The following RAD50 variants were observed in gnomAD, a reference collection of about 807,000 sequenced individuals.
RAD50 encodes RAD50 double strand break repair protein.
RAD50 carries 132 observed loss-of-function variants against 168.8 expected under a neutral mutation model. The ratio of observed to expected loss-of-function variants is 0.78; its 90% CI spans 0.68 to 0.90. The LOEUF (loss-of-function observed/expected upper bound fraction) is 0.90, where lower values mean the gene tolerates loss of function less well. Ranked by LOEUF, RAD50 falls within the 40% of genes least tolerant of loss-of-function variation. The probability of loss-of-function intolerance (pLI) is 0.00; values close to 1 mark genes in which losing one functional copy is unlikely to be tolerated. For missense variants in RAD50, 1,347 were observed against 1,534.4 expected, an observed-to-expected ratio of 0.88 and a Z score of 2.04; for synonymous variants, 525 against 497.4, an observed-to-expected ratio of 1.06 and a Z score of -0.74.
intron 21 of RAD50, among the ~76,000 whole-genome samples, chr5:132,636,460 G>A (rs559382370): frequency 0.035 from 5,272 of 152,210 alleles, 293 homozygotes; most frequent in African/African-American, 0.12. Context: ...AATCTGTGAA[G>A]GAAAGGTAAA....
At chr5:132,633,568 C>CTTGTGTT (rs1561657260) in intron 21 of RAD50, among the ~76,000 whole-genome samples, 2 of 151,098 alleles carry the variant, frequency 1.3e-5, no homozygotes, top group East Asian at 3.9e-4. Context: ...TTTACCTTAG[C>CTTGTGTT]TTTTGTTTTT....
At chr5:132,592,821 C>T in intron 11 of RAD50, 2 of 470,960 alleles carry the variant, frequency 4.2e-6, no homozygotes, top group South Asian at 3.1e-5. Flanking sequence ...TGAAGAAATG[C>T]TTTAGGAACT....
intron 20 of RAD50, among the ~76,000 whole-genome samples, chr5:132,617,311 A>G (rs1005364359): frequency 6.6e-6 from 1 of 152,224 alleles, no homozygotes; most frequent in Non-Finnish European, 1.5e-5. Context: ...CATTCACATT[A>G]CTAAGTACAA....
intron 21 of RAD50, among the ~76,000 whole-genome samples, chr5:132,627,226 A>T (rs764791073): frequency 4.6e-5 from 7 of 152,102 alleles, no homozygotes; most frequent in Non-Finnish European, 8.8e-5. Context: ...TGTTACTTAT[A>T]CTTCCTGGTT....
intron 15 of RAD50, 142 bp downstream of exon 15, chr5:132,604,188 A>G (rs925736679): frequency 2.0e-6 from 2 of 995,200 alleles, no homozygotes; most frequent in Non-Finnish European, 1.5e-6. Flanking sequence ...TCTGAAAAGC[A>G]TCACTTCTCT....
intron 16 of RAD50, among the ~76,000 whole-genome samples, chr5:132,606,920 C>A (rs778908102): frequency 2.0e-5 from 3 of 152,132 alleles, no homozygotes; most frequent in Admixed American, 6.5e-5. Context: ...AATTCAACAC[C>A]GCTTCATGCT....
rs753680691 is a variant in RAD50, at chr5:132,591,326, C to T, written c.1555C>T (p.Arg519Cys). The change falls in exon 10 of 25, where the codon CGT becomes TGT. Residue 519 changes from arginine to cysteine, a missense_variant. By Grantham distance (180) the Arg-to-Cys change is radical (BLOSUM62 -3). Coordinates refer to ENST00000378823, the MANE Select transcript of RAD50 (RefSeq NM_005732.4). Reference protein sequence around the residue: ...NEKADLDRTLRKLDQEMEQLN... With the variant: ...NEKADLDRTLCKLDQEMEQLN... ...AAAAGCAGACTTAGACAGGACCCTG[C>T]GTAAACTTGACCAGGAGATGGAGCA... 1.9e-6 allele frequency: 3 copies of T among 1,613,748 alleles called. No homozygotes were observed. Among genetic ancestry groups the T allele is most frequent in the East Asian group, 4.5e-5 (2 of 44,846 alleles).
At chr5:132,619,107 G>A (rs889347305) in intron 21 of RAD50, among the ~76,000 whole-genome samples, 2 of 152,268 alleles carry the variant, frequency 1.3e-5, no homozygotes, top group South Asian at 4.1e-4. Context: ...TCTACTATGG[G>A]AATAGACCAC....
chr5:132,613,165 G>A (rs2149851719), intron 19 of RAD50, among the ~76,000 whole-genome samples: 1 of 152,070 alleles, frequency 6.6e-6, no homozygotes, highest in South Asian at 2.1e-4. Flanking sequence ...GGATGATTGG[G>A]GTTAATATTT....
chr5:132,602,319 T>C (rs1750903281), intron 13 of RAD50, among the ~76,000 whole-genome samples: 1 of 152,160 alleles, frequency 6.6e-6, no homozygotes, highest in South Asian at 2.1e-4. Flanking sequence ...TGCTTTGTCA[T>C]ACTAATTCAA....
intron 13 of RAD50, among the ~76,000 whole-genome samples, chr5:132,599,655 TCAAGCAATCCTC>T (rs1750852087): frequency 6.6e-6 from 1 of 151,904 alleles, no homozygotes; most frequent in African/African-American, 2.4e-5. Flanking sequence ...ACTCCTAAGC[TCAAGCAATCCTC>T]CTACCTCAGC....
At chr5:132,641,255 C>G (rs1751714309) in intron 24 of RAD50, among the ~76,000 whole-genome samples, 1 of 152,174 alleles carries the variant, frequency 6.6e-6, no homozygotes, top group Non-Finnish European at 1.5e-5. Flanking sequence ...ACTCAAAAAG[C>G]TTATTTGAGA....
chr5:132,637,541 T>C (rs1447005406), intron 22 of RAD50, among the ~76,000 whole-genome samples: 12 of 142,856 alleles, frequency 8.4e-5, no homozygotes, highest in African/African-American at 2.7e-4. Flanking sequence ...TTTTTTTTTT[T>C]CCAGATGGAG....
At chr5:132,635,255 C>T (rs1402227815) in intron 21 of RAD50, among the ~76,000 whole-genome samples, 1 of 152,142 alleles carries the variant, frequency 6.6e-6, no homozygotes, top group African/African-American at 2.4e-5. Context: ...CCAGTATTGT[C>T]GTAAGGATTA....
In RAD50 at chr5:132,617,638, T is replaced by C. The variant is rs553879379; in HGVS notation, c.3165-432T>C. Among the ~76,000 whole-genome samples the C allele has an allele frequency of 7.2e-5, 11 of 152,334 alleles. No individual in the cohort carries two copies. In the East Asian group the frequency reaches 2.1e-3, roughly 29 times the overall value. On this transcript the variant is annotated intron_variant, in intron 20 of 24. Transcript: ENST00000378823. ...AGTATTACTGCAGAAAATTAATATA[T>C]GATTTAATTCGTATTGTGCCTTTGA...
chr5:132,576,609 A>G (rs1349357285), intron 3 of RAD50, among the ~76,000 whole-genome samples: 10 of 152,132 alleles, frequency 6.6e-5, no homozygotes, highest in Non-Finnish European at 8.8e-5. Flanking sequence ...GGTTTTCATC[A>G]TTGCCATTTT....
Position 132,589,834 on chromosome 5 carries a change from A to T in RAD50, c.1449A>T (p.Lys483Asn). ...TTGAACTGGACCAGGAGCTCATAAA[A>T]GCTGTAAGATATTGTTTGAATAATC... is the stretch of plus-strand genomic sequence containing the variant. ...RILELDQELI[K>N]AERELSKAEK... The change falls in exon 9 of 25, where the codon AAA becomes AAT. Residue 483 changes from lysine (K) to asparagine (N), a missense_variant. Physicochemically the swap from Lys to Asn is moderately conservative, Grantham distance 94. Around this residue, in one of 3 missense-constraint regions of RAD50, gnomAD observed 703 missense variants for 767.7 expected, o/e 0.92. Coordinates refer to ENST00000378823, the MANE Select transcript of RAD50 (RefSeq NM_005732.4). The T allele has an allele frequency of 6.2e-7, 1 of 1,608,722 alleles. No homozygotes were observed.
Position 132,638,127 on chromosome 5 carries a change from AGCTTCTGATAAAAG to A in RAD50, c.3525_3538del (p.Ser1176GlufsTer3), listed in dbSNP as rs1423570602. On this transcript the variant is annotated frameshift_variant, in exon 23 of 25. Coordinates refer to ENST00000378823, the MANE Select transcript of RAD50 (RefSeq NM_005732.4). LOFTEE classifies it high-confidence loss of function. ...GGTCTGATGCCGATGAAAATGTATC[AGCTTCTGATAAAAG>A]GCGGAATTATAACTACCGAGTGGTG... 6.2e-7 allele frequency: 1 copy of A among 1,614,032 alleles called. No individual in the cohort carries two copies. The highest frequency in any genetic ancestry group is 1.3e-5 in the African/African-American group (1 of 74,922).
chr5:132,630,202 C>T (rs560211957), intron 21 of RAD50, among the ~76,000 whole-genome samples: 35 of 152,086 alleles, frequency 2.3e-4, no homozygotes, highest in South Asian at 6.2e-4. Context: ...GCCACCACAC[C>T]CGGCTAATTT....
Sources: gnomAD v4.1 joint callset for allele counts (sites outside exome capture counted in the v4.1 genomes callset) on GRCh38, gnomAD v4.1.1 for gene constraint, gnomAD v4.1.1 regional missense constraint, MANE v1.5 for transcripts, NCBI Gene and HGNC (gene_info 2026-07-23, HGNC 2026-07-21) for gene names.